Variants in FBXO9 observed in about 807,000 individuals in gnomAD.
The protein encoded by FBXO9 is F-box protein 9.
In FBXO9, 43 loss-of-function variants were observed where a neutral mutation model predicts 63.7. The observed-to-expected ratio is 0.67, with a 90% CI of 0.53 to 0.87. The LOEUF is 0.87. Among genes scored for constraint, FBXO9 ranks in the 40% least tolerant of loss-of-function variants. The pLI is 0.00. For synonymous variants in FBXO9, 156 were observed against 171.7 expected (o/e 0.91, Z 0.72); for missense variants, 442 against 533.2 (o/e 0.83, Z 1.68).
intron 9 of FBXO9, 51 bp downstream of exon 9, chr6:53,092,875 T>C: frequency 3.3e-6 from 4 of 1,225,696 alleles, no homozygotes; most frequent in Non-Finnish European, 4.7e-6. Flanking sequence ...CTCCATGTAT[T>C]AGTTAAATGG....
intron 3 of FBXO9, among the ~76,000 whole-genome samples, chr6:53,075,736 T>TG (rs1769079763): frequency 1.0e-5 from 1 of 97,076 alleles, no homozygotes; most frequent in East Asian, 2.9e-4. Context: ...TATATATAAT[T>TG]ATTTTTTTTT....
At chr6:53,073,732 C>A in intron 3 of FBXO9, 93 bp downstream of exon 3, 1 of 1,053,274 alleles carries the variant, frequency 9.5e-7, no homozygotes, top group Non-Finnish European at 1.3e-6. Flanking sequence ...TATAACCAGA[C>A]TTTCGGGACA....
At chr6:53,076,668 C>T in intron 4 of FBXO9, 125 bp downstream of exon 4, 3 of 645,098 alleles carry the variant, frequency 4.7e-6, no homozygotes, top group Non-Finnish European at 4.7e-6. Flanking sequence ...ATTCTTCCTT[C>T]AGTACTCATT....
chr6:53,082,119 C>T (rs796316128), intron 6 of FBXO9, among the ~76,000 whole-genome samples: 8 of 151,966 alleles, frequency 5.3e-5, no homozygotes, highest in South Asian at 4.2e-4. Context: ...TTGTTTGGTT[C>T]GGGGCTTTTT....
chr6:53,097,357 T>C (rs1261124641), intron 12 of FBXO9, among the ~76,000 whole-genome samples: 1 of 152,082 alleles, frequency 6.6e-6, no homozygotes. Context: ...AAATCTCCAA[T>C]TAAGTAAACT....
chr6:53,066,514 TCTGG>T (rs1232844057), intron 1 of FBXO9, among the ~76,000 whole-genome samples: 7 of 152,248 alleles, frequency 4.6e-5, no homozygotes, highest in Non-Finnish European at 1.0e-4. Flanking sequence ...GAAACTAATC[TCTGG>T]CTGGGGCTTA....
chr6:53,093,767 C>A, intron 10 of FBXO9, 118 bp from the exon 11 acceptor site: 1 of 928,252 alleles, frequency 1.1e-6, no homozygotes, highest in Non-Finnish European at 1.6e-6. Flanking sequence ...TTGAGTTTTA[C>A]TCAATCCTAG....
At position 53,083,315 on chromosome 6, in the gene FBXO9, A is replaced by G. The variant is rs368640533; in HGVS notation, c.653+697A>G. On this transcript the variant is annotated intron_variant, in intron 7 of 12. Coordinates refer to ENST00000323557, the MANE Select transcript of FBXO9 (RefSeq NM_033480.3). ...AATTTCTTGAAGACTCTTTTTCACAATTCTGTGTGCTAGTATATTTAACAA... is the reference window on the plus strand; with the variant it reads ...AATTTCTTGAAGACTCTTTTTCACAGTTCTGTGTGCTAGTATATTTAACAA... Among the ~76,000 whole-genome samples the G allele has an allele frequency of 1.8e-3, 267 of 152,280 alleles. 1 individual carries two copies. Among genetic ancestry groups the G allele is most frequent in the African/African-American group, 6.1e-3 (255 of 41,554 alleles).
intron 6 of FBXO9, among the ~76,000 whole-genome samples, chr6:53,082,134 G>A (rs1769336803): frequency 6.6e-6 from 1 of 152,040 alleles, no homozygotes; most frequent in African/African-American, 2.4e-5. Flanking sequence ...CTTTTTCAGA[G>A]GAGGACAATT....
At chr6:53,092,908 G>A (rs959230992) in intron 9 of FBXO9, 84 bp downstream of exon 9, 30 of 877,608 alleles carry the variant, frequency 3.4e-5, no homozygotes, top group Non-Finnish European at 5.0e-5. Flanking sequence ...TGTTGCTTTT[G>A]ATTGACCCGC....
rs1253827393 is a variant in FBXO9 at position 53,095,581 on chromosome 6, T to C, written c.1122T>C (p.His374=). The C allele has an allele frequency of 2.5e-6, 4 of 1,613,738 alleles. No homozygotes were observed. The highest frequency in any genetic ancestry group is 3.4e-6 in the Non-Finnish European group (4 of 1,179,822). Residue 374 remains histidine (H), a synonymous_variant, in exon 12 of 13, where the codon CAT becomes CAC. Coordinates refer to ENST00000323557, the MANE Select transcript of FBXO9 (RefSeq NM_033480.3). The part of the protein sequence containing the change: ...VPVQEADQSF[H]VGLQLCSSGH... ...TACAAGAAGCAGATCAGAGTTTTCA[T>C]GTGGGGCTACAGCTATGTTCCAGTG... is the stretch of plus-strand genomic sequence containing the variant.
chr6:53,098,720 C>T lies in FBXO9; in HGVS notation c.*890C>T, dbSNP rs1763282436. On this transcript the variant is annotated 3_prime_UTR_variant, in exon 13 of 13. Coordinates refer to ENST00000323557, the MANE Select transcript of FBXO9 (RefSeq NM_033480.3). Reference sequence around the variant, plus strand: ...GAGTGAATCCCTTAGGACTGGAACACTTCAAGCTCAACCAACTGACTCAGT... The same window carrying T: ...GAGTGAATCCCTTAGGACTGGAACATTTCAAGCTCAACCAACTGACTCAGT... The T allele has an allele frequency of 6.6e-6, 1 of 152,214 alleles. No homozygotes were observed. Among genetic ancestry groups the T allele is most frequent in the African/African-American group, 2.4e-5 (1 of 41,438 alleles). The allele number at this position is 152,214 out of a possible 1,614,324, so 9.4% of individuals were successfully genotyped here.
chr6:53,091,889 A>C (rs1763049981), intron 7 of FBXO9: 1 of 154,428 alleles, frequency 6.5e-6, no homozygotes. Context: ...ATAAAAGCAT[A>C]AATTATGTTC....
Position 53,098,895 on chromosome 6 carries a change from C to T in FBXO9, c.*1065C>T, listed in dbSNP as rs1220497619. 6.6e-6 allele frequency: 1 copy of T among 152,158 alleles called. No individual in the cohort carries two copies. The highest frequency in any genetic ancestry group is 1.5e-5 in the Non-Finnish European group (1 of 68,032). 9.4% of individuals were successfully genotyped at this position (152,158 alleles called of 1,614,324 possible). A position where few individuals can be genotyped will look rare whatever the true frequency, so the allele number is the denominator to read the frequency against. On this transcript the variant is annotated 3_prime_UTR_variant, in exon 13 of 13. Coordinates refer to ENST00000323557, the MANE Select transcript of FBXO9 (RefSeq NM_033480.3). ...GGAGTCCCCCCTGCCCAGTAACAGT[C>T]CTATTAGTGTTTAATTTCAGAGTTT...
At chr6:53,069,192 C>A (rs1009153000) in intron 1 of FBXO9, among the ~76,000 whole-genome samples, 2 of 152,130 alleles carry the variant, frequency 1.3e-5, no homozygotes, top group African/African-American at 2.4e-5. Context: ...TTATTTTTAG[C>A]CACCTAACAA....
At chr6:53,090,064 A>C (rs886159357) in intron 7 of FBXO9, among the ~76,000 whole-genome samples, 1 of 152,250 alleles carries the variant, frequency 6.6e-6, no homozygotes, top group African/African-American at 2.4e-5. Context: ...AAAGGAAAAA[A>C]TGAGGATTAC....
intron 7 of FBXO9, among the ~76,000 whole-genome samples, chr6:53,085,993 T>C (rs1012001276): frequency 2.0e-5 from 3 of 151,924 alleles, no homozygotes; most frequent in African/African-American, 7.2e-5. Context: ...CTACTAAAAA[T>C]ACAAAATTAG....
chr6:53,091,003 A>G (rs1422430265), intron 7 of FBXO9: 2 of 152,188 alleles, frequency 1.3e-5, no homozygotes, highest in East Asian at 3.9e-4. Flanking sequence ...TAGCTGTTCA[A>G]AAGGTTAAGG....
At chr6:53,065,314 CACAGTAGG>C (rs1380585704), upstream of FBXO9, 2 of 155,742 alleles carry the variant, frequency 1.3e-5, no homozygotes, top group African/African-American at 4.8e-5. Flanking sequence ...GGCGCGCGCA[CACAGTAGG>C]TCCGCGACCC....
Sources: gnomAD v4.1 joint callset for allele counts (sites outside exome capture counted in the v4.1 genomes callset) on GRCh38, gnomAD v4.1.1 for gene constraint, MANE v1.5 for transcripts, NCBI Gene and HGNC (gene_info 2026-07-23, HGNC 2026-07-21) for gene names.